BBX: variants seen among roughly 807,000 people sequenced by gnomAD.
BBX encodes the protein HMG box transcription factor BBX.
BBX carries 30 observed loss-of-function variants against 100.2 expected under a neutral mutation model. That is an observed-to-expected ratio of 0.30 (90% CI 0.22 to 0.41). BBX has a LOEUF of 0.41. Among genes scored for constraint, BBX ranks in the 10% least tolerant of loss-of-function variants. BBX has a pLI of 1.00. For missense variants in BBX, 1,023 were observed against 1,129.8 expected, an observed-to-expected ratio of 0.91 and a Z score of 1.35; for synonymous variants, 376 against 388.1, an observed-to-expected ratio of 0.97 and a Z score of 0.37.
intron 2 of BBX, among the ~76,000 whole-genome samples, chr3:107,533,360 A>G (rs191534118): frequency 1.1e-3 from 162 of 152,352 alleles, no homozygotes; most frequent in African/African-American, 3.5e-3. Context: ...ATCACTGATC[A>G]TTGAACAATT....
At chr3:107,552,349 A>T (rs1434040611) in intron 2 of BBX, among the ~76,000 whole-genome samples, 2 of 29,360 alleles carry the variant, frequency 6.8e-5, no homozygotes, top group Non-Finnish European at 1.9e-4. Flanking sequence ...TGTTTCATTA[A>T]AAAAAAAAAA....
chr3:107,688,448 C>T (rs1411689839), intron 3 of BBX, among the ~76,000 whole-genome samples: 2 of 152,132 alleles, frequency 1.3e-5, no homozygotes, highest in Non-Finnish European at 2.9e-5. Flanking sequence ...CCTTCTTGAC[C>T]GTGTCTTTGG....
At chr3:107,733,406 C>T (rs1436990234) in intron 7 of BBX, among the ~76,000 whole-genome samples, 1 of 152,146 alleles carries the variant, frequency 6.6e-6, no homozygotes, top group African/African-American at 2.4e-5. Context: ...TAAAAATTTG[C>T]AGCTGTCAGT....
chr3:107,684,108 G>A (rs1030382224), intron 3 of BBX, among the ~76,000 whole-genome samples: 5 of 152,118 alleles, frequency 3.3e-5, no homozygotes, highest in African/African-American at 1.2e-4. Context: ...ATGGAAAATT[G>A]TCTTTCTAAA....
chr3:107,724,757 A>T (rs1426861163), intron 5 of BBX, among the ~76,000 whole-genome samples: 4 of 152,012 alleles, frequency 2.6e-5, no homozygotes, highest in African/African-American at 9.7e-5. Flanking sequence ...GTTCTGTTCC[A>T]TTGGTCTATA....
intron 3 of BBX, among the ~76,000 whole-genome samples, chr3:107,705,270 C>T (rs1310938072): frequency 1.3e-5 from 2 of 152,092 alleles, no homozygotes; most frequent in South Asian, 2.1e-4. Flanking sequence ...ATTTAATGGG[C>T]CTCCCATACT....
intron 2 of BBX, among the ~76,000 whole-genome samples, chr3:107,576,965 A>G (rs982977447): frequency 2.0e-5 from 3 of 151,946 alleles, no homozygotes; most frequent in Admixed American, 2.0e-4. Flanking sequence ...GGTTCGAGCA[A>G]TTCTTCTGCC....
intron 2 of BBX, among the ~76,000 whole-genome samples, chr3:107,639,977 C>G (rs2057091832): frequency 6.6e-6 from 1 of 152,196 alleles, no homozygotes; most frequent in African/African-American, 2.4e-5. Flanking sequence ...TTATTAAATG[C>G]TTTTCTACCC....
chr3:107,603,529 C>T (rs2107628467), intron 2 of BBX, among the ~76,000 whole-genome samples: 1 of 152,102 alleles, frequency 6.6e-6, no homozygotes, highest in South Asian at 2.1e-4. Flanking sequence ...CAGGTGCATG[C>T]CACCATGCCT....
intron 10 of BBX, among the ~76,000 whole-genome samples, chr3:107,767,660 A>G (rs2066506614): frequency 6.6e-6 from 1 of 152,226 alleles, no homozygotes; most frequent in South Asian, 2.1e-4. Flanking sequence ...TTTTAATTGG[A>G]AAATCATTCT....
At chr3:107,562,037 C>T (rs1035787836) in intron 2 of BBX, among the ~76,000 whole-genome samples, 4 of 152,070 alleles carry the variant, frequency 2.6e-5, no homozygotes, top group Admixed American at 6.5e-5. Context: ...TCATTTAATC[C>T]GTGATGTGTT....
intron 2 of BBX, among the ~76,000 whole-genome samples, chr3:107,639,005 A>G (rs576994452): frequency 3.3e-5 from 5 of 152,164 alleles, no homozygotes; most frequent in Non-Finnish European, 7.4e-5. Flanking sequence ...GCAAAGGAAT[A>G]TGTTATAATT....
intron 13 of BBX, among the ~76,000 whole-genome samples, chr3:107,787,289 C>G (rs765359929): frequency 3.7e-4 from 57 of 152,196 alleles, no homozygotes; most frequent in Non-Finnish European, 2.2e-4. Context: ...GCCACTGCAC[C>G]TGGCCCACCA....
chr3:107,729,592 A>G (rs1413599862), intron 6 of BBX, among the ~76,000 whole-genome samples: 1 of 152,200 alleles, frequency 6.6e-6, no homozygotes, highest in East Asian at 1.9e-4. Flanking sequence ...TAAAGTACTT[A>G]TATTCACCCT....
At chr3:107,706,129 T>C (rs1407137855) in intron 3 of BBX, among the ~76,000 whole-genome samples, 1 of 151,634 alleles carries the variant, frequency 6.6e-6, no homozygotes, top group Non-Finnish European at 1.5e-5. Context: ...TTCAAGCGAT[T>C]CTCCTGCCCC....
Position 107,728,921 on chromosome 3 carries a change from A to G in BBX, c.562A>G (p.Lys188Glu). The G allele has an allele frequency of 6.2e-7, 1 of 1,613,760 alleles. No individual in the cohort carries two copies. The highest frequency in any genetic ancestry group is 8.5e-7 in the Non-Finnish European group (1 of 1,179,782). Residue 188 changes from lysine (K) to glutamate (E), a missense_variant, in exon 6 of 18, where the codon AAG becomes GAG. Transcript: ENST00000325805. ...SRDLPSPKKA[K>E]TEEMPQLNFG... ...AGACTTGCCAAGCCCCAAGAAAGCA[A>G]AGACTGAAGAAATGCCTCAGCTTAA... is the stretch of plus-strand genomic sequence containing the variant.
intron 2 of BBX, among the ~76,000 whole-genome samples, chr3:107,594,499 A>G (rs1468440132): frequency 1.3e-5 from 2 of 152,152 alleles, no homozygotes; most frequent in African/African-American, 2.4e-5. Context: ...GTGGGAATAA[A>G]TGCAGTGCTA....
At chr3:107,724,709 G>T (rs1321825077) in intron 5 of BBX, among the ~76,000 whole-genome samples, 1 of 152,178 alleles carries the variant, frequency 6.6e-6, no homozygotes, top group African/African-American at 2.4e-5. Context: ...TCAAAGATCA[G>T]ATAGTTGTAG....
chr3:107,623,469 C>T (rs1395109312), intron 2 of BBX, among the ~76,000 whole-genome samples: 3 of 152,170 alleles, frequency 2.0e-5, no homozygotes, highest in Admixed American at 6.5e-5. Context: ...CTGCCACATG[C>T]ATCTTGTCCA....
Sources: gnomAD v4.1 joint callset for allele counts (sites outside exome capture counted in the v4.1 genomes callset) on GRCh38, gnomAD v4.1.1 for gene constraint, MANE v1.5 for transcripts, NCBI Gene and HGNC (gene_info 2026-07-23, HGNC 2026-07-21) for gene names.